Variants in GGNBP2 observed in about 807,000 individuals in gnomAD.
The protein encoded by GGNBP2 is gametogenetin-binding protein 2.
Under a neutral mutation model 85.9 loss-of-function variants are expected in GGNBP2, and 10 were observed. That is an observed-to-expected ratio of 0.12 (90% CI 0.07 to 0.20). GGNBP2 has a LOEUF of 0.20. GGNBP2 is among the 10% of genes least tolerant of loss of function. The pLI, the probability that GGNBP2 is intolerant of heterozygous loss-of-function variation, is 1.00. For synonymous variants in GGNBP2, 287 were observed against 285.7 expected, an observed-to-expected ratio of 1.00 and a Z score of -0.05; for missense variants, 595 against 857.8, an observed-to-expected ratio of 0.69 and a Z score of 3.83.
intron 6 of GGNBP2, among the ~76,000 whole-genome samples, chr17:36,575,665 A>G (rs1426748503): frequency 3.3e-5 from 1 of 29,940 alleles, no homozygotes; most frequent in African/African-American, 2.6e-4. Context: ...TTTTTTTTTG[A>G]GATGGAGTTT....
At chr17:36,556,481 G>A (rs2074362293) in intron 3 of GGNBP2, among the ~76,000 whole-genome samples, 1 of 152,232 alleles carries the variant, frequency 6.6e-6, no homozygotes, top group Admixed American at 6.5e-5. Flanking sequence ...TGAGGCGGGT[G>A]GATCACAAGG....
At position 36,575,613 on chromosome 17, in the gene GGNBP2, C is replaced by CATATATATATAT. The variant is rs776677029; in HGVS notation, c.642-2345_642-2334dup. Among the ~76,000 whole-genome samples, 83 of 66,916 alleles carry CATATATATATAT rather than the reference C, an allele frequency of 1.2e-3. 2 individuals carry two copies. The highest frequency in any genetic ancestry group is 2.5e-3 in the African/African-American group (28 of 11,388). 43.9% of individuals were successfully genotyped at this position (66,916 alleles called of 152,430 possible). A position where few individuals can be genotyped will look rare whatever the true frequency, so the allele number is the denominator to read the frequency against. ...AGTGGGCTTAGAGCCTCTAATGTAACATATATATATATATATATATATATA... is the reference window on the plus strand; with the variant it reads ...AGTGGGCTTAGAGCCTCTAATGTAACATATATATATATATATATATATATATATATATATATA... On this transcript the variant is annotated intron_variant, in intron 6 of 13. Coordinates refer to ENST00000613102, the MANE Select transcript of GGNBP2 (RefSeq NM_024835.5).
At position 36,578,015 on chromosome 17, in the gene GGNBP2, G is replaced by A. The variant is rs771024865; in HGVS notation, c.674G>A (p.Arg225Gln). ...ACTGATTGCAAAAATAAAGTCCTCC[G>A]AGCATACAATATCCTTATTGGTGAA... ...FCTDCKNKVL[R>Q]AYNILIGELD... The change falls in exon 7 of 14, where the codon CGA becomes CAA. Residue 225 changes from arginine (R) to glutamine (Q), a missense_variant. Physicochemically the swap from Arg to Gln is conservative, Grantham distance 43. Transcript: ENST00000613102. The A allele has an allele frequency of 5.6e-6, 9 of 1,614,046 alleles. No homozygotes were observed. The highest frequency in any genetic ancestry group is 6.8e-6 in the Non-Finnish European group (8 of 1,179,976).
intron 5 of GGNBP2, 42 bp from the exon 6 acceptor site, chr17:36,567,621 T>G: frequency 9.5e-7 from 1 of 1,049,414 alleles, no homozygotes; most frequent in Non-Finnish European, 1.5e-6. Context: ...GGTTTTACCC[T>G]TCTGTATTCT....
chr17:36,565,269 A>G (rs2142731904), intron 5 of GGNBP2, among the ~76,000 whole-genome samples: 1 of 152,342 alleles, frequency 6.6e-6, no homozygotes, highest in Non-Finnish European at 1.5e-5. Flanking sequence ...CAATGATTGA[A>G]AAGTGAATGC....
chr17:36,572,028 G>C (rs913363299), intron 6 of GGNBP2, among the ~76,000 whole-genome samples: 1 of 151,722 alleles, frequency 6.6e-6, no homozygotes, highest in African/African-American at 2.4e-5. Flanking sequence ...TTCAGCCTGG[G>C]TGACAGAGTG....
Position 36,578,075 on chromosome 17 carries a change from C to T in GGNBP2, c.734C>T (p.Ala245Val), listed in dbSNP as rs1331450804. Reference protein sequence around the residue: ...DCSKEKGYCAALYEGLRCCPH... With the variant: ...DCSKEKGYCAVLYEGLRCCPH... ...AGCAAAGAAAAGGGCTACTGTGCTGCACTTTATGAAGGCTTGCGGTGCTGT... is the reference window on the plus strand; with the variant it reads ...AGCAAAGAAAAGGGCTACTGTGCTGTACTTTATGAAGGCTTGCGGTGCTGT... Residue 245 changes from alanine (A) to valine (V), a missense_variant, in exon 7 of 14, where the codon GCA (alanine) becomes GTA (valine). Ala to Val is a moderately conservative substitution (Grantham distance 64). This residue lies in a region of GGNBP2 where 92 missense variants were observed against 183.9 expected (regional missense o/e 0.50). Transcript: ENST00000613102. 1 of 1,614,124 alleles carries T rather than the reference C, an allele frequency of 6.2e-7. No homozygotes were observed. Among genetic ancestry groups the T allele is most frequent in the South Asian group, 1.1e-5 (1 of 91,088 alleles).
At chr17:36,575,627 TATATATATATATATATATATA>T (rs1164531668) in intron 6 of GGNBP2, among the ~76,000 whole-genome samples, 4 of 44,558 alleles carry the variant, frequency 9.0e-5, no homozygotes, top group Non-Finnish European at 1.3e-4. Flanking sequence ...TATATATATA[TATATATATATATATATATATA>T]TTTTTTTTTT....
chr17:36,557,389 G>C, intron 4 of GGNBP2, 53 bp downstream of exon 4: 2 of 1,442,986 alleles, frequency 1.4e-6, no homozygotes, highest in South Asian at 1.2e-5. Flanking sequence ...AAAACAGCTT[G>C]GTGACAGTGG....
intron 6 of GGNBP2, among the ~76,000 whole-genome samples, chr17:36,575,649 T>TATATATATATATATATA (rs1491168966): frequency 1.3e-4 from 5 of 37,836 alleles, no homozygotes; most frequent in African/African-American, 3.3e-4. Context: ...TATATATATA[T>TATATATATATATATATA]TTTTTTTTTT....
intron 9 of GGNBP2, among the ~76,000 whole-genome samples, chr17:36,584,901 C>A (rs2074685184): frequency 6.6e-6 from 1 of 151,014 alleles, no homozygotes; most frequent in Non-Finnish European, 1.5e-5. Flanking sequence ...CTGCAGTAAG[C>A]CATGATTGTA....
At chr17:36,563,707 G>T (rs1276353446) in intron 5 of GGNBP2, among the ~76,000 whole-genome samples, 3 of 148,868 alleles carry the variant, frequency 2.0e-5, no homozygotes, top group African/African-American at 7.4e-5. Flanking sequence ...TTATTTTGCT[G>T]CTTGATTTGT....
At chr17:36,556,206 C>T (rs1239799805) in intron 3 of GGNBP2, among the ~76,000 whole-genome samples, 1 of 152,178 alleles carries the variant, frequency 6.6e-6, no homozygotes, top group East Asian at 1.9e-4. Context: ...TCATAACCAG[C>T]AGATACAATT....
At chr17:36,558,703 G>T (rs984351646) in intron 4 of GGNBP2, among the ~76,000 whole-genome samples, 1 of 151,466 alleles carries the variant, frequency 6.6e-6, no homozygotes, top group South Asian at 2.1e-4. Flanking sequence ...CGATCTGCCC[G>T]CCTTGGACTC....
intron 2 of GGNBP2, among the ~76,000 whole-genome samples, chr17:36,551,590 T>C (rs1234833396): frequency 6.6e-6 from 1 of 150,922 alleles, no homozygotes; most frequent in Non-Finnish European, 1.5e-5. Context: ...ATGCCTGTAA[T>C]CCCAGCACTT....
chr17:36,559,071 G>A (rs1053302536), intron 4 of GGNBP2, among the ~76,000 whole-genome samples: 4 of 151,918 alleles, frequency 2.6e-5, no homozygotes, highest in African/African-American at 9.7e-5. Flanking sequence ...AGGTCGGTGA[G>A]GGTGGATCAC....
At chr17:36,572,648 T>C (rs971689682) in intron 6 of GGNBP2, among the ~76,000 whole-genome samples, 1 of 151,540 alleles carries the variant, frequency 6.6e-6, no homozygotes, top group Non-Finnish European at 1.5e-5. Context: ...GAGACAAGAG[T>C]ATGCCACTGC....
intron 8 of GGNBP2, among the ~76,000 whole-genome samples, chr17:36,580,972 G>A (rs540236733): frequency 6.6e-5 from 10 of 151,282 alleles, no homozygotes; most frequent in Admixed American, 2.0e-4. Context: ...GTTTGGAATA[G>A]GAGTGTGTAT....
intron 3 of GGNBP2, among the ~76,000 whole-genome samples, 193 bp from the exon 4 acceptor site, chr17:36,556,889 AG>A (rs1345708422): frequency 3.3e-5 from 5 of 150,374 alleles, no homozygotes; most frequent in Admixed American, 6.7e-5. Flanking sequence ...TTCTAGAGCA[AG>A]GGGGTTTGTG....
Sources: gnomAD v4.1 joint callset for allele counts (sites outside exome capture counted in the v4.1 genomes callset) on GRCh38, gnomAD v4.1.1 for gene constraint, gnomAD v4.1.1 regional missense constraint, MANE v1.5 for transcripts, NCBI Gene and HGNC (gene_info 2026-07-23, HGNC 2026-07-21) for gene names.